Variants in FAM177B observed in about 807,000 individuals in gnomAD.
FAM177B encodes the protein protein FAM177B.
FAM177B carries 16 observed loss-of-function variants against 16.1 expected under a neutral mutation model. The observed-to-expected ratio is 0.99, with a 90% CI of 0.67 to 1.51. The LOEUF (loss-of-function observed/expected upper bound fraction) is 1.51. FAM177B is among the 40% of genes most tolerant of loss of function. The pLI is 0.00. For synonymous variants in FAM177B, 56 were observed against 59.9 expected (o/e 0.93, Z 0.30); for missense variants, 178 against 183.7 (o/e 0.97, Z 0.18).
chr1:222,747,354 G>A (rs1049997170), intron 4 of FAM177B: 2 of 341,804 alleles, frequency 5.9e-6, no homozygotes, highest in Non-Finnish European at 1.1e-5. Flanking sequence ...ATACAAAACT[G>A]CTATAGATGC....
chr1:222,750,020 A>C lies in FAM177B; in HGVS notation c.439A>C (p.Thr147Pro), dbSNP rs778300096. 5 of 1,613,836 alleles carry C rather than the reference A, an allele frequency of 3.1e-6. No individual in the cohort carries two copies. Among genetic ancestry groups the C allele is most frequent in the South Asian group, 1.1e-5 (1 of 91,078 alleles). ...HLEAGVQEYGTIQQDVTEAIP... is the reference protein window; with the variant it reads ...HLEAGVQEYGPIQQDVTEAIP... ...GGAGGCTGGGGTCCAAGAGTATGGA[A>C]CCATACAACAGGATGTGACAGAGGC... The change falls in exon 6 of 6, where the codon ACC (threonine) becomes CCC (proline). Residue 147 changes from threonine to proline, a missense_variant. Thr to Pro is a conservative substitution (Grantham distance 38, BLOSUM62 -1). Transcript: ENST00000445590.
chr1:222,738,590 G>A (rs1256508044), intron 2 of FAM177B, among the ~76,000 whole-genome samples: 12 of 132,512 alleles, frequency 9.1e-5, no homozygotes, highest in South Asian at 2.2e-4. Flanking sequence ...AAGGCTGGGC[G>A]TGTGGCACGT....
At chr1:222,744,688 AC>A (rs1310395444) in intron 2 of FAM177B, among the ~76,000 whole-genome samples, 4 of 152,300 alleles carry the variant, frequency 2.6e-5, no homozygotes, top group African/African-American at 9.6e-5. Context: ...ATCATTTCAT[AC>A]TATTATTTTA....
At chr1:222,737,874 C>T (rs1220876949) in intron 1 of FAM177B, 30 bp from the exon 2 acceptor site, 2 of 152,054 alleles carry the variant, frequency 1.3e-5, no homozygotes, top group Non-Finnish European at 2.9e-5. Context: ...AAGTATGATT[C>T]CAGAAATATC....
rs1011005360 is a variant in FAM177B, at chr1:222,749,983, A to G, written c.402A>G (p.Glu134=). The G allele has an allele frequency of 1.2e-6, 2 of 1,613,960 alleles. No homozygotes were observed. The highest frequency in any genetic ancestry group is 1.7e-6 in the Non-Finnish European group (2 of 1,179,948). The part of the protein sequence containing the change: ...SKAQAAEVPN[E]KCHLEAGVQE... ...CCCAGGCAGCTGAGGTTCCTAATGA[A>G]AAGTGTCACTTGGAGGCTGGGGTCC... Residue 134 remains glutamate, a synonymous_variant, in exon 6 of 6, where the codon GAA becomes GAG. Transcript: ENST00000445590.
At chr1:222,737,739 A>C (rs1018041769) in intron 1 of FAM177B, 165 bp from the exon 2 acceptor site, 2 of 152,210 alleles carry the variant, frequency 1.3e-5, no homozygotes, top group Non-Finnish European at 2.9e-5. Flanking sequence ...GGATTTAACA[A>C]TTCTGGCTCC....
intron 4 of FAM177B, chr1:222,749,126 G>A (rs776205984): frequency 2.4e-5 from 11 of 463,592 alleles, no homozygotes; most frequent in Admixed American, 1.5e-4. Context: ...ATGTTTAGCC[G>A]GTATGCATGG....
At chr1:222,740,959 A>G (rs749524151) in intron 2 of FAM177B, among the ~76,000 whole-genome samples, 2 of 152,030 alleles carry the variant, frequency 1.3e-5, no homozygotes, top group Non-Finnish European at 2.9e-5. Flanking sequence ...TCAGTCTCCC[A>G]AAGTGCAGGG....
chr1:222,746,542 C>T lies in FAM177B; in HGVS notation c.-4C>T, dbSNP rs754428668. On this transcript the variant is annotated 5_prime_UTR_variant, in exon 3 of 6. Coordinates refer to ENST00000445590, the MANE Select transcript of FAM177B (RefSeq NM_001394345.1). ...TTTTAATTTTCTAGTTGTTTTGTTT[C>T]ATTATGGAGATTGACGGTTTCCAGC... is the stretch of plus-strand genomic sequence containing the variant. The T allele has an allele frequency of 1.9e-6, 3 of 1,581,208 alleles. No individual in the cohort carries two copies. Among genetic ancestry groups the T allele is most frequent in the East Asian group, 4.5e-5 (2 of 44,412 alleles).
intron 4 of FAM177B, among the ~76,000 whole-genome samples, chr1:222,748,184 G>A (rs1254599292): frequency 1.3e-5 from 2 of 152,026 alleles, no homozygotes; most frequent in Admixed American, 6.6e-5. Context: ...TGAAAATCCC[G>A]TGAATACCAA....
At chr1:222,741,931 TTTC>T (rs1282770262) in intron 2 of FAM177B, among the ~76,000 whole-genome samples, 1 of 119,810 alleles carries the variant, frequency 8.3e-6, no homozygotes, top group East Asian at 2.7e-4. Flanking sequence ...TCTCTCTCTC[TTTC>T]TTTCTTTCTT....
chr1:222,749,843 G>T, intron 5 of FAM177B, 78 bp from the exon 6 acceptor site: 1 of 1,427,118 alleles, frequency 7.0e-7, no homozygotes. Context: ...CTTCTTACAT[G>T]GGCATTATAT....
At chr1:222,739,280 G>C (rs898609143) in intron 2 of FAM177B, among the ~76,000 whole-genome samples, 14 of 152,122 alleles carry the variant, frequency 9.2e-5, no homozygotes, top group Admixed American at 6.5e-5. Context: ...AAGCAAGAAA[G>C]CCTCTTGGAA....
At chr1:222,741,632 A>C (rs1358379264) in intron 2 of FAM177B, among the ~76,000 whole-genome samples, 2 of 151,300 alleles carry the variant, frequency 1.3e-5, no homozygotes, top group Non-Finnish European at 2.9e-5. Flanking sequence ...TCCCAGACTC[A>C]AGCAAGTCTG....
At chr1:222,746,438 T>C (rs1658799988) in intron 2 of FAM177B, 93 bp from the exon 3 acceptor site, 2 of 667,868 alleles carry the variant, frequency 3.0e-6, no homozygotes, top group Non-Finnish European at 5.1e-6. Flanking sequence ...TGATTACCTC[T>C]GAGTTCTCTG....
At chr1:222,749,423 G>A in intron 4 of FAM177B, 42 bp from the exon 5 acceptor site, 1 of 1,152,954 alleles carries the variant, frequency 8.7e-7, no homozygotes, top group Non-Finnish European at 1.3e-6. Context: ...CGAAGCTTTA[G>A]TTAGTAATTC....
At chr1:222,744,241 C>A (rs538614198) in intron 2 of FAM177B, among the ~76,000 whole-genome samples, 3 of 152,024 alleles carry the variant, frequency 2.0e-5, no homozygotes, top group Non-Finnish European at 4.4e-5. Flanking sequence ...GAGGCCGAGG[C>A]GGGTGGATCA....
At chr1:222,738,723 C>T (rs1202796356) in intron 2 of FAM177B, among the ~76,000 whole-genome samples, 2 of 151,962 alleles carry the variant, frequency 1.3e-5, no homozygotes, top group Admixed American at 6.6e-5. Context: ...TACAAAATAC[C>T]GACATCTAGG....
intron 4 of FAM177B, 159 bp downstream of exon 4, chr1:222,747,240 C>T: frequency 1.7e-6 from 1 of 593,140 alleles, no homozygotes; most frequent in Non-Finnish European, 3.0e-6. Flanking sequence ...CAGAACTTCG[C>T]ATCCTCAGGC....
Sources: allele counts gnomAD v4.1 joint callset (sites outside exome capture counted in the v4.1 genomes callset), GRCh38; gene constraint gnomAD v4.1.1; transcripts MANE v1.5; gene names NCBI Gene and HGNC (gene_info 2026-07-23, HGNC 2026-07-21).